Variants in ERBB4 observed in about 807,000 individuals in gnomAD.
The protein encoded by ERBB4 is receptor tyrosine-protein kinase erbB-4.
ERBB4 carries 42 observed loss-of-function variants against 158.0 expected under a neutral mutation model. The ratio of observed to expected loss-of-function variants is 0.27; its 90% CI spans 0.21 to 0.34. ERBB4 has a LOEUF of 0.34. ERBB4 is among the 10% of genes least tolerant of loss of function. The pLI is 1.00. For synonymous variants in ERBB4, 583 were observed against 558.7 expected (o/e 1.04, Z -0.61); for missense variants, 1,333 against 1,624.1 (o/e 0.82, Z 3.08).
At chr2:211,947,868 T>C (rs939098984) in intron 2 of ERBB4, among the ~76,000 whole-genome samples, 5 of 152,180 alleles carry the variant, frequency 3.3e-5, no homozygotes, top group African/African-American at 1.2e-4. Context: ...TGGATTTTGT[T>C]TATGGGACCT....
intron 20 of ERBB4, among the ~76,000 whole-genome samples, chr2:211,451,151 G>GCCC (rs2064236150): frequency 6.6e-6 from 1 of 152,150 alleles, no homozygotes; most frequent in Admixed American, 6.5e-5. Flanking sequence ...ATGGAAGAAG[G>GCCC]CCCAGCAAAG....
At position 212,373,759 on chromosome 2, in the gene ERBB4, A is replaced by G. The variant is rs1015587600; in HGVS notation, c.82+164690T>C. 7.1e-5 allele frequency among the ~76,000 whole-genome samples: 10 copies of G among 141,448 alleles called. 1 individual carries two copies. The highest frequency in any genetic ancestry group is 2.6e-4 in the African/African-American group (10 of 38,458). 92.8% of individuals were successfully genotyped at this position (141,448 alleles called of 152,430 possible). On this transcript the variant is annotated intron_variant, in intron 1 of 27. Coordinates refer to ENST00000342788, the MANE Select transcript of ERBB4 (RefSeq NM_005235.3). ...TATCCATATATATATCCATGTATAT[A>G]TCCACGTATATATCCATGTATATAT...
intron 25 of ERBB4, among the ~76,000 whole-genome samples, chr2:211,417,373 C>G (rs2063417478): frequency 1.3e-5 from 2 of 152,050 alleles, no homozygotes; most frequent in Non-Finnish European, 2.9e-5. Context: ...ACTCTGGAGG[C>G]AGAGATGGGA....
At chr2:211,834,950 AC>A (rs754212585) in intron 3 of ERBB4, among the ~76,000 whole-genome samples, 10 of 152,212 alleles carry the variant, frequency 6.6e-5, no homozygotes, top group Middle Eastern at 3.4e-3. Flanking sequence ...ATATTTTAAA[AC>A]TTTTTTCCTA....
chr2:211,599,951 C>T (rs1399037867), intron 19 of ERBB4, among the ~76,000 whole-genome samples: 2 of 152,212 alleles, frequency 1.3e-5, no homozygotes, highest in East Asian at 1.9e-4. Flanking sequence ...AATATGGGTG[C>T]TTCTTGTCTT....
intron 19 of ERBB4, among the ~76,000 whole-genome samples, chr2:211,609,475 T>C (rs1034274476): frequency 3.3e-5 from 5 of 152,212 alleles, no homozygotes; most frequent in Non-Finnish European, 7.4e-5. Context: ...TTTTTGAACC[T>C]AAGCATAAGA....
At position 212,054,996 on chromosome 2, in the gene ERBB4, G is replaced by A. The variant is rs1239492456; in HGVS notation, c.234+69756C>T. On this transcript the variant is annotated intron_variant, in intron 2 of 27. Coordinates refer to ENST00000342788, the MANE Select transcript of ERBB4 (RefSeq NM_005235.3). The stretch of plus-strand genomic sequence containing the variant: ...CCCACTGAGCGAGAGCCAAAGTAGG[G>A]TGAGGTATCTCCTCACCCGGGAAGC... 2.0e-5 allele frequency among the ~76,000 whole-genome samples: 3 copies of A among 152,124 alleles called. No homozygotes were observed. In the South Asian group the frequency reaches 6.2e-4, roughly 32 times the overall value.
intron 1 of ERBB4, among the ~76,000 whole-genome samples, chr2:212,439,917 C>T (rs2092218535): frequency 6.6e-6 from 1 of 152,048 alleles, no homozygotes; most frequent in Non-Finnish European, 1.5e-5. Flanking sequence ...CATGGTAAAT[C>T]AGGGGTGGGG....
chr2:212,048,067 A>G (rs141605031), intron 2 of ERBB4, among the ~76,000 whole-genome samples: 2 of 152,178 alleles, frequency 1.3e-5, no homozygotes, highest in Non-Finnish European at 2.9e-5. Context: ...GAAAAACTGC[A>G]TGTGAAGTCA....
chr2:212,380,010 G>GT (rs144564385), intron 1 of ERBB4, among the ~76,000 whole-genome samples: 16,537 of 151,518 alleles, frequency 0.11, 1,223 homozygotes, highest in Non-Finnish European at 0.16. Flanking sequence ...CTAAAGAGTT[G>GT]TTCAAGTAGT....
At chr2:211,717,108 G>A (rs1415722892) in intron 7 of ERBB4, among the ~76,000 whole-genome samples, 1 of 152,074 alleles carries the variant, frequency 6.6e-6, no homozygotes, top group Non-Finnish European at 1.5e-5. Context: ...GAATAAAAGG[G>A]AAAGCACCAA....
At chr2:212,091,339 G>C (rs1265750452) in intron 2 of ERBB4, among the ~76,000 whole-genome samples, 1 of 151,892 alleles carries the variant, frequency 6.6e-6, no homozygotes, top group African/African-American at 2.4e-5. Flanking sequence ...GCTTAAGTTC[G>C]ATTTTGAGCT....
chr2:212,009,263 C>A (rs75022801), intron 2 of ERBB4, among the ~76,000 whole-genome samples: 1,677 of 151,836 alleles, frequency 0.011, 19 homozygotes, highest in Non-Finnish European at 0.016. Flanking sequence ...GAAATCATCC[C>A]AGATTATTCA....
intron 1 of ERBB4, among the ~76,000 whole-genome samples, chr2:212,139,422 T>TA (rs2080372805): frequency 6.6e-6 from 1 of 152,026 alleles, no homozygotes; most frequent in South Asian, 2.1e-4. Context: ...TATTTTATCT[T>TA]AGACAATTTG....
chr2:212,374,786 G>A (rs1392039827), intron 1 of ERBB4, among the ~76,000 whole-genome samples: 1 of 151,858 alleles, frequency 6.6e-6, no homozygotes, highest in Non-Finnish European at 1.5e-5. Context: ...TATGATTTGG[G>A]GCAAGAAAAT....
chr2:211,730,877 G>A (rs1452711833), intron 5 of ERBB4, among the ~76,000 whole-genome samples: 1 of 151,974 alleles, frequency 6.6e-6, no homozygotes, highest in Non-Finnish European at 1.5e-5. Context: ...TCTAACCAAT[G>A]GGAGAAATGG....
chr2:211,710,191 A>C (rs760088056), intron 9 of ERBB4, among the ~76,000 whole-genome samples: 1 of 152,226 alleles, frequency 6.6e-6, no homozygotes, highest in Non-Finnish European at 1.5e-5. Flanking sequence ...AAGGATAAAA[A>C]CCACTTGTCT....
At position 211,606,778 on chromosome 2, in the gene ERBB4, G is replaced by A. The variant is rs530854999; in HGVS notation, c.2301+12399C>T. ...AAAAGAATAAAATGTGTTTTCTTTCGTAAGAGTATAGTAGCACATTCATTA... is the reference window on the plus strand; with the variant it reads ...AAAAGAATAAAATGTGTTTTCTTTCATAAGAGTATAGTAGCACATTCATTA... On this transcript the variant is annotated intron_variant, in intron 19 of 27. Coordinates refer to ENST00000342788, the MANE Select transcript of ERBB4 (RefSeq NM_005235.3). 6.6e-4 allele frequency among the ~76,000 whole-genome samples: 101 copies of A among 152,224 alleles called. 1 individual carries two copies. The highest frequency in any genetic ancestry group is 1.8e-3 in the African/African-American group (75 of 41,550).
At chr2:211,513,711 G>GC (rs1325412755) in intron 20 of ERBB4, among the ~76,000 whole-genome samples, 231 of 152,126 alleles carry the variant, frequency 1.5e-3, no homozygotes, top group African/African-American at 5.4e-3. Context: ...TCTTTGGCAG[G>GC]CGCCCCCAAC....
Sources: gnomAD v4.1 joint callset for allele counts (sites outside exome capture counted in the v4.1 genomes callset) on GRCh38, gnomAD v4.1.1 for gene constraint, MANE v1.5 for transcripts, NCBI Gene and HGNC (gene_info 2026-07-23, HGNC 2026-07-21) for gene names.